The following PPARG variants were observed in gnomAD, a reference collection of about 807,000 sequenced individuals.
PPARG encodes the protein peroxisome proliferator activated receptor gamma, also known as peroxisome proliferator-activated receptor gamma.
In PPARG, 17 loss-of-function variants were observed where a neutral mutation model predicts 39.2. The ratio of observed to expected loss-of-function variants is 0.43; its 90% CI spans 0.30 to 0.65. The LOEUF (loss-of-function observed/expected upper bound fraction) is 0.65, where lower values mean the gene tolerates loss of function less well. PPARG is among the 30% of genes least tolerant of loss of function. The pLI, the probability that PPARG is intolerant of heterozygous loss-of-function variation, is 0.13. For synonymous variants in PPARG, 223 were observed against 215.7 expected (o/e 1.03, Z -0.30); for missense variants, 406 against 585.9 (o/e 0.69, Z 3.17).
Position 12,308,335 on chromosome 3 carries a change from C to A in PPARG, c.-82-4045C>A, listed in dbSNP as rs562386468. On this transcript the variant is annotated intron_variant, in intron 1 of 7. Transcript: ENST00000651735. ...CTCTAACCTGGATGACAGAGCAAGA[C>A]CCTGTCTCAAAAAAAAAAAAAAAAA... 6.3e-5 allele frequency among the ~76,000 whole-genome samples: 7 copies of A among 110,426 alleles called. No homozygotes were observed. In the East Asian group the frequency reaches 1.7e-3, roughly 27 times the overall value. The allele number at this position is 110,426 out of a possible 152,430, so 72.4% of individuals were successfully genotyped here.
chr3:12,415,357 A>G (rs1206868351), intron 6 of PPARG, among the ~76,000 whole-genome samples: 1 of 152,242 alleles, frequency 6.6e-6, no homozygotes, highest in Non-Finnish European at 1.5e-5. Context: ...ACAGAACCAA[A>G]GCTGGAACAC....
chr3:12,353,143 T>C (rs1292019058), intron 2 of PPARG, among the ~76,000 whole-genome samples: 1 of 152,246 alleles, frequency 6.6e-6, no homozygotes, highest in Non-Finnish European at 1.5e-5. Context: ...GCTTTGAATT[T>C]ACTCTGAGTT....
At chr3:12,294,576 T>C (rs1018516066) in intron 1 of PPARG, among the ~76,000 whole-genome samples, 1 of 152,160 alleles carries the variant, frequency 6.6e-6, no homozygotes, top group Non-Finnish European at 1.5e-5. Context: ...TGCTTAATCC[T>C]TTGGCAGATC....
At chr3:12,345,385 A>G (rs1354501329) in intron 2 of PPARG, among the ~76,000 whole-genome samples, 2 of 152,200 alleles carry the variant, frequency 1.3e-5, no homozygotes, top group Non-Finnish European at 2.9e-5. Context: ...TTTCATAGGT[A>G]ATTCCTCCAC....
At chr3:12,392,465 G>T (rs758603067) in intron 4 of PPARG, 149 bp from the exon 5 acceptor site, 3 of 813,062 alleles carry the variant, frequency 3.7e-6, no homozygotes, top group South Asian at 1.6e-5. Flanking sequence ...TTCCAGAGAG[G>T]TTAAGTGACT....
At chr3:12,397,188 T>G (rs2050294111) in intron 5 of PPARG, among the ~76,000 whole-genome samples, 1 of 151,896 alleles carries the variant, frequency 6.6e-6, no homozygotes, top group Non-Finnish European at 1.5e-5. Context: ...TAAAAAAAAC[T>G]GACAACTTTC....
chr3:12,292,313 T>C (rs571655666), intron 1 of PPARG, among the ~76,000 whole-genome samples: 1 of 152,346 alleles, frequency 6.6e-6, no homozygotes, highest in African/African-American at 2.4e-5. Flanking sequence ...ATTGTGCGCT[T>C]TGATTTGATA....
chr3:12,320,037 T>G (rs1051480627), intron 2 of PPARG, among the ~76,000 whole-genome samples: 5 of 152,180 alleles, frequency 3.3e-5, no homozygotes, highest in Non-Finnish European at 7.3e-5. Flanking sequence ...AGTGCCCCAC[T>G]CACTGGTCAA....
intron 2 of PPARG, among the ~76,000 whole-genome samples, chr3:12,360,574 C>CAAA (rs11394520): frequency 0.13 from 16,897 of 126,546 alleles, 1,292 homozygotes; most frequent in Admixed American, 0.21. Flanking sequence ...AGCACCCAGA[C>CAAA]AAAAAAAAAA....
At chr3:12,429,535 A>G (rs947102445) in intron 7 of PPARG, among the ~76,000 whole-genome samples, 89 of 139,858 alleles carry the variant, frequency 6.4e-4, no homozygotes, top group Non-Finnish European at 1.1e-3. Flanking sequence ...TGGAAAATGT[A>G]GAGATTCTGT....
chr3:12,372,285 G>T (rs2049245887), intron 2 of PPARG, among the ~76,000 whole-genome samples: 1 of 152,192 alleles, frequency 6.6e-6, no homozygotes, highest in Non-Finnish European at 1.5e-5. Context: ...AGATCAGGAA[G>T]AAATAATGTT....
intron 1 of PPARG, among the ~76,000 whole-genome samples, chr3:12,294,999 A>G (rs914095150): frequency 2.0e-5 from 3 of 152,212 alleles, no homozygotes; most frequent in Non-Finnish European, 2.9e-5. Flanking sequence ...TAGCCACCTC[A>G]AAAGCAAGGT....
chr3:12,347,869 A>G lies in PPARG; in HGVS notation c.-8-31835A>G, dbSNP rs997307960. 6.6e-5 allele frequency among the ~76,000 whole-genome samples: 10 copies of G among 152,188 alleles called. No individual in the cohort carries two copies. In the East Asian group the frequency reaches 1.3e-3, roughly 21 times the overall value. ...CCAGGGACTCTGCTAGGTTCTAGGG[A>G]TGCAATGAGATCTAAATGCTTAACC... On this transcript the variant is annotated intron_variant, in intron 2 of 7. Coordinates refer to ENST00000651735, the MANE Select transcript of PPARG (RefSeq NM_138711.6).
intron 1 of PPARG, among the ~76,000 whole-genome samples, chr3:12,304,533 T>C (rs912922528): frequency 1.1e-4 from 16 of 152,128 alleles, no homozygotes; most frequent in Admixed American, 2.6e-4. Flanking sequence ...TGAAGAAAAA[T>C]GTTAGCTGCA....
At chr3:12,346,062 A>T (rs1458998308) in intron 2 of PPARG, among the ~76,000 whole-genome samples, 1 of 152,228 alleles carries the variant, frequency 6.6e-6, no homozygotes, top group East Asian at 1.9e-4. Flanking sequence ...TTTAGGTGGG[A>T]CGTCTTTGGT....
intron 2 of PPARG, among the ~76,000 whole-genome samples, chr3:12,359,047 A>G (rs1158423071): frequency 6.6e-6 from 1 of 152,176 alleles, no homozygotes; most frequent in East Asian, 1.9e-4. Flanking sequence ...ATTTCAGGAC[A>G]TGTTAGTATC....
At chr3:12,290,729 G>A (rs918299154) in intron 1 of PPARG, among the ~76,000 whole-genome samples, 1 of 152,036 alleles carries the variant, frequency 6.6e-6, no homozygotes, top group African/African-American at 2.4e-5. Context: ...AAGGATGTTA[G>A]CCACTAACCT....
intron 7 of PPARG, among the ~76,000 whole-genome samples, chr3:12,421,887 A>G (rs1177928015): frequency 6.6e-6 from 1 of 152,142 alleles, no homozygotes; most frequent in African/African-American, 2.4e-5. Flanking sequence ...GCCACTTTGG[A>G]TGGCTATTCT....
At chr3:12,412,905 A>G (rs1172653056) in intron 6 of PPARG, among the ~76,000 whole-genome samples, 1 of 152,230 alleles carries the variant, frequency 6.6e-6, no homozygotes, top group Non-Finnish European at 1.5e-5. Context: ...GTACGGTCTG[A>G]AGATAAATAC....
Sources: gnomAD v4.1 joint callset for allele counts (sites outside exome capture counted in the v4.1 genomes callset) on GRCh38, gnomAD v4.1.1 for gene constraint, MANE v1.5 for transcripts, NCBI Gene and HGNC (gene_info 2026-07-23, HGNC 2026-07-21) for gene names.